The following LIPK variants were observed in gnomAD, a reference collection of about 807,000 sequenced individuals.
LIPK encodes lipase member K.
Under a neutral mutation model 48.6 loss-of-function variants are expected in LIPK, and 32 were observed. The ratio of observed to expected loss-of-function variants is 0.66; its 90% CI spans 0.50 to 0.88. The LOEUF is 0.88. LIPK is among the 40% of genes least tolerant of loss of function. The probability of loss-of-function intolerance (pLI) is 0.00; values close to 1 mark genes in which losing one functional copy is unlikely to be tolerated. For synonymous variants in LIPK, 164 were observed against 157.4 expected (o/e 1.04, Z -0.32); for missense variants, 507 against 478.5 (o/e 1.06, Z -0.56).
intron 6 of LIPK, among the ~76,000 whole-genome samples, chr10:88,733,477 A>T (rs1272089454): frequency 1.3e-5 from 2 of 152,228 alleles, no homozygotes; most frequent in African/African-American, 2.4e-5. Context: ...TTGAGAGCTA[A>T]GCAAATTAGC....
At chr10:88,730,868 C>A in intron 3 of LIPK, 115 bp from the exon 4 acceptor site, 1 of 891,190 alleles carries the variant, frequency 1.1e-6, no homozygotes, top group Non-Finnish European at 1.7e-6. Flanking sequence ...GTTTGCCTGG[C>A]ATCAAATTTT....
intron 9 of LIPK, among the ~76,000 whole-genome samples, 194 bp downstream of exon 9, chr10:88,743,515 A>G (rs1197057677): frequency 2.0e-5 from 3 of 152,102 alleles, no homozygotes; most frequent in Non-Finnish European, 4.4e-5. Context: ...TTGCAAGGTA[A>G]ATATTATTAT....
intron 9 of LIPK, among the ~76,000 whole-genome samples, chr10:88,752,073 C>A (rs1168681306): frequency 1.3e-5 from 2 of 152,200 alleles, no homozygotes; most frequent in Non-Finnish European, 2.9e-5. Flanking sequence ...AAATGTCTTT[C>A]ATGCCTTGGT....
rs760669975 is a variant in LIPK at position 88,730,965 on chromosome 10, G to C, written c.224-18G>C. On this transcript the variant is annotated intron_variant, in intron 3 of 9. Transcript: ENST00000404190. Reference sequence around the variant, plus strand: ...GAGAAAGTTCAAATATGAAATTCTTGTTGCCTGTGTTTTGCAGCTCCAAAG... The same window carrying C: ...GAGAAAGTTCAAATATGAAATTCTTCTTGCCTGTGTTTTGCAGCTCCAAAG... 6.5e-7 allele frequency: 1 copy of C among 1,538,362 alleles called. No homozygotes were observed. The highest frequency in any genetic ancestry group is 2.3e-5 in the Admixed American group (1 of 44,238).
rs112934645 is a variant in LIPK, at chr10:88,717,668, C to T, written c.-11-6865C>T. 7.9e-3 allele frequency among the ~76,000 whole-genome samples: 1,195 copies of T among 152,212 alleles called. 4 individuals carry two copies. The highest frequency in any genetic ancestry group is 0.021 in the Middle Eastern group (6 of 292). On this transcript the variant is annotated intron_variant, in intron 1 of 9. Coordinates refer to ENST00000404190, the MANE Select transcript of LIPK (RefSeq NM_001080518.2). ...CACACAGTTGGGAAATAATGATGTA[C>T]CATCTGATCTACAGACAAAAATAAG...
chr10:88,733,764 G>A (rs773987605), intron 6 of LIPK, among the ~76,000 whole-genome samples: 1 of 152,160 alleles, frequency 6.6e-6, no homozygotes, highest in Non-Finnish European at 1.5e-5. Flanking sequence ...TGCATACCCT[G>A]ACGTGTGTAG....
At chr10:88,742,116 G>A in intron 8 of LIPK, among the ~76,000 whole-genome samples, 1 of 152,146 alleles carries the variant, frequency 6.6e-6, no homozygotes, top group Non-Finnish European at 1.5e-5. Context: ...GATCTTGTGA[G>A]AACTCACTCA....
intron 2 of LIPK, 115 bp downstream of exon 2, chr10:88,724,763 T>A (rs191259225): frequency 1.5e-6 from 1 of 667,248 alleles, no homozygotes; most frequent in East Asian, 3.0e-5. Flanking sequence ...TGACTAAGTC[T>A]GTGCTTCCTC....
intron 2 of LIPK, among the ~76,000 whole-genome samples, chr10:88,725,771 C>CA (rs1244768737): frequency 6.6e-6 from 1 of 152,148 alleles, no homozygotes; most frequent in African/African-American, 2.4e-5. Flanking sequence ...ACTAATTCCC[C>CA]TCTTCTTTGT....
At chr10:88,735,142 C>A (rs1842545922) in intron 6 of LIPK, among the ~76,000 whole-genome samples, 1 of 152,152 alleles carries the variant, frequency 6.6e-6, no homozygotes, top group African/African-American at 2.4e-5. Flanking sequence ...CCTATTGTAA[C>A]CTTGGACAAG....
chr10:88,715,145 T>C (rs1432640692), intron 1 of LIPK, among the ~76,000 whole-genome samples: 1 of 152,156 alleles, frequency 6.6e-6, no homozygotes, highest in African/African-American at 2.4e-5. Context: ...ATGTCAATTA[T>C]AACAAATTGG....
intron 1 of LIPK, among the ~76,000 whole-genome samples, chr10:88,717,881 GT>G (rs111612883): frequency 0.028 from 4,156 of 146,276 alleles, 174 homozygotes; most frequent in African/African-American, 0.089. Context: ...ATTATTTAAT[GT>G]TTTTTTTTTT....
At chr10:88,744,860 A>C (rs1842740353) in intron 9 of LIPK, among the ~76,000 whole-genome samples, 1 of 152,228 alleles carries the variant, frequency 6.6e-6, no homozygotes, top group South Asian at 2.1e-4. Flanking sequence ...GTTGAAACTC[A>C]GTCCAAGGAA....
chr10:88,748,104 G>A lies in LIPK; in HGVS notation c.961-4413G>A, dbSNP rs201061053. ...AGTACCATGCAGCCAATGAGATAAT[G>A]TACTTTGCAGGGACACGGATGCAGC... On this transcript the variant is annotated intron_variant, in intron 9 of 9. Coordinates refer to ENST00000404190, the MANE Select transcript of LIPK (RefSeq NM_001080518.2). 3.3e-5 allele frequency among the ~76,000 whole-genome samples: 5 copies of A among 152,264 alleles called. No homozygotes were observed. In the East Asian group the frequency reaches 7.7e-4, roughly 24 times the overall value.
chr10:88,743,721 A>C (rs1842722198), intron 9 of LIPK, among the ~76,000 whole-genome samples: 2 of 152,088 alleles, frequency 1.3e-5, no homozygotes, highest in South Asian at 4.2e-4. Context: ...GAGTGAATGG[A>C]GGTAGGATGT....
intron 1 of LIPK, among the ~76,000 whole-genome samples, chr10:88,721,907 G>T (rs867410524): frequency 2.6e-5 from 4 of 152,298 alleles, no homozygotes; most frequent in African/African-American, 9.6e-5. Flanking sequence ...AACATTCGAA[G>T]CTTACTCTCA....
chr10:88,732,573 A>G (rs1371652412), intron 6 of LIPK, 22 bp downstream of exon 6: 1 of 1,580,622 alleles, frequency 6.3e-7, no homozygotes, highest in Non-Finnish European at 8.6e-7. Flanking sequence ...CCCAAGTTTT[A>G]ATCTGAAATA....
At chr10:88,743,770 C>T (rs555325025) in intron 9 of LIPK, among the ~76,000 whole-genome samples, 6 of 152,270 alleles carry the variant, frequency 3.9e-5, no homozygotes, top group East Asian at 1.9e-4. Context: ...GAAGCCTGAA[C>T]GGGGTTGCTG....
chr10:88,746,697 C>A (rs1296146286), intron 9 of LIPK, among the ~76,000 whole-genome samples: 2 of 152,102 alleles, frequency 1.3e-5, no homozygotes, highest in Non-Finnish European at 2.9e-5. Flanking sequence ...CCTAACATCA[C>A]ACCTAGAGAA....
Sources: allele counts gnomAD v4.1 joint callset (sites outside exome capture counted in the v4.1 genomes callset), GRCh38; gene constraint gnomAD v4.1.1; transcripts MANE v1.5; gene names NCBI Gene and HGNC (gene_info 2026-07-23, HGNC 2026-07-21).